The following RNLS variants were observed in gnomAD, a reference collection of about 807,000 sequenced individuals.
RNLS encodes renalase.
In RNLS, 39 loss-of-function variants were observed where a neutral mutation model predicts 39.8. The ratio of observed to expected loss-of-function variants is 0.98; its 90% CI spans 0.76 to 1.28. The LOEUF (loss-of-function observed/expected upper bound fraction) is 1.28, where lower values mean the gene tolerates loss of function less well. Ranked by LOEUF, RNLS falls within the 50% of genes most tolerant of loss-of-function variation. RNLS has a pLI of 0.00. For missense variants in RNLS, 410 were observed against 413.3 expected (o/e 0.99, Z 0.07); for synonymous variants, 147 against 150.7 (o/e 0.98, Z 0.18).
chr10:88,266,204 A>G, the RNLS span, among the ~76,000 whole-genome samples: 4,993 of 152,248 alleles, frequency 0.033, 97 homozygotes, highest in Non-Finnish European at 0.052. Context: ...ACTTCTAGGC[A>G]GGCTCACCCA....
chr10:88,367,186 A>T (rs1166504500), intron 4 of RNLS, among the ~76,000 whole-genome samples: 1 of 152,132 alleles, frequency 6.6e-6, no homozygotes, highest in Non-Finnish European at 1.5e-5. Context: ...ATCAAGAAAC[A>T]GAGCATTACC....
chr10:88,383,489 CAAAAGTT>C (rs1460119596), intron 4 of RNLS, among the ~76,000 whole-genome samples: 1 of 152,092 alleles, frequency 6.6e-6, no homozygotes. Context: ...CCTGTGCTGT[CAAAAGTT>C]AAAACAAGAA....
At chr10:88,497,685 A>G (rs1845248619) in intron 4 of RNLS, among the ~76,000 whole-genome samples, 1 of 152,038 alleles carries the variant, frequency 6.6e-6, no homozygotes, top group Non-Finnish European at 1.5e-5. Flanking sequence ...ACCAGGAACA[A>G]GCAGGAGAAA....
At chr10:88,468,670 T>G (rs761916765) in intron 4 of RNLS, among the ~76,000 whole-genome samples, 1 of 152,186 alleles carries the variant, frequency 6.6e-6, no homozygotes, top group Non-Finnish European at 1.5e-5. Flanking sequence ...GGAAAACTCC[T>G]GCACTTACCT....
At chr10:88,565,673 TA>T (rs537909697) in intron 4 of RNLS, among the ~76,000 whole-genome samples, 7 of 144,596 alleles carry the variant, frequency 4.8e-5, no homozygotes, top group Admixed American at 1.4e-4. Context: ...ACTCCTCCAC[TA>T]AAAAAAAAGG....
chr10:88,171,539 G>A, the RNLS span, among the ~76,000 whole-genome samples: 9 of 152,226 alleles, frequency 5.9e-5, no homozygotes, highest in South Asian at 2.1e-4. Flanking sequence ...TATCCAGATC[G>A]TTGTTCTTTA....
At chr10:88,178,628 T>C in the RNLS span, among the ~76,000 whole-genome samples, 1 of 152,364 alleles carries the variant, frequency 6.6e-6, no homozygotes, top group East Asian at 1.9e-4. Context: ...TAGAGGGTCT[T>C]TGTCACTTTC....
At chr10:88,320,208 AT>A (rs1376482824) in intron 5 of RNLS, among the ~76,000 whole-genome samples, 2 of 152,062 alleles carry the variant, frequency 1.3e-5, no homozygotes, top group Admixed American at 1.3e-4. Flanking sequence ...CACCTCATAA[AT>A]GAAGGACAAA....
At chr10:88,552,989 G>A (rs891927797) in intron 4 of RNLS, among the ~76,000 whole-genome samples, 3 of 152,070 alleles carry the variant, frequency 2.0e-5, no homozygotes, top group African/African-American at 7.2e-5. Flanking sequence ...TACTATTTTA[G>A]GGGGAATAGG....
At chr10:88,498,184 G>A (rs922474051) in intron 4 of RNLS, among the ~76,000 whole-genome samples, 1 of 151,010 alleles carries the variant, frequency 6.6e-6, no homozygotes, top group South Asian at 2.1e-4. Context: ...AGTTAACATC[G>A]CCAAGTTAAC....
chr10:88,299,077 T>G (rs575674515), intron 6 of RNLS, among the ~76,000 whole-genome samples: 3 of 152,226 alleles, frequency 2.0e-5, no homozygotes, highest in Non-Finnish European at 4.4e-5. Flanking sequence ...TTTTAAGTCT[T>G]TTGCCCATTT....
chr10:88,356,945 CTA>C (rs1299171472), intron 5 of RNLS, among the ~76,000 whole-genome samples: 1 of 152,154 alleles, frequency 6.6e-6, no homozygotes, highest in Non-Finnish European at 1.5e-5. Context: ...GGAAAGAATG[CTA>C]AATTTCTGAT....
intron 4 of RNLS, among the ~76,000 whole-genome samples, chr10:88,558,690 AG>A (rs1026509094): frequency 6.6e-6 from 1 of 152,202 alleles, no homozygotes; most frequent in Non-Finnish European, 1.5e-5. Context: ...ACTTAGAGAA[AG>A]AAAGATTAAG....
At chr10:88,443,705 C>A (rs549126878) in intron 4 of RNLS, among the ~76,000 whole-genome samples, 6 of 152,274 alleles carry the variant, frequency 3.9e-5, no homozygotes, top group South Asian at 2.1e-4. Flanking sequence ...GCCCACAGAG[C>A]GTTGCTCATC....
chr10:88,239,333 C>T, the RNLS span, among the ~76,000 whole-genome samples: 14 of 152,134 alleles, frequency 9.2e-5, no homozygotes, highest in African/African-American at 1.9e-4. Flanking sequence ...ATTGGATCAG[C>T]AGGAGACTGC....
the RNLS span, among the ~76,000 whole-genome samples, chr10:88,211,598 A>G: frequency 1.4e-4 from 21 of 152,190 alleles, no homozygotes; most frequent in African/African-American, 4.8e-4. Context: ...AGGGGAAAAG[A>G]CGGGATAACA....
intron 4 of RNLS, among the ~76,000 whole-genome samples, chr10:88,419,333 C>G (rs1429247237): frequency 6.6e-6 from 1 of 152,142 alleles, no homozygotes; most frequent in East Asian, 1.9e-4. Context: ...AAACATAATG[C>G]AAGAATTCTG....
chr10:88,383,617 C>CTTAT (rs1451483692), intron 4 of RNLS, among the ~76,000 whole-genome samples: 1 of 152,038 alleles, frequency 6.6e-6, no homozygotes, highest in African/African-American at 2.4e-5. Context: ...ATGAAATTTC[C>CTTAT]TTATTTCAAA....
intron 5 of RNLS, among the ~76,000 whole-genome samples, chr10:88,346,374 TGACAATACTATATA>T (rs1327096626): frequency 3.3e-5 from 5 of 152,180 alleles, no homozygotes; most frequent in Non-Finnish European, 7.4e-5. Flanking sequence ...CAGGTTTTAC[TGACAATACTATATA>T]GTCAAGTATT....
Sources: allele counts gnomAD v4.1 joint callset (sites outside exome capture counted in the v4.1 genomes callset), GRCh38; gene constraint gnomAD v4.1.1; transcripts MANE v1.5; gene names NCBI Gene and HGNC (gene_info 2026-07-23, HGNC 2026-07-21).